Variants in PTPRT observed in about 807,000 individuals in gnomAD.
PTPRT encodes the protein protein tyrosine phosphatase receptor type T.
A neutral mutation model predicts 176.8 loss-of-function variants in PTPRT; 56 were observed. The observed-to-expected ratio is 0.32, with a 90% CI of 0.26 to 0.40. The LOEUF (loss-of-function observed/expected upper bound fraction) is 0.40, where lower values mean the gene tolerates loss of function less well. Among genes scored for constraint, PTPRT ranks in the 10% least tolerant of loss-of-function variants. The pLI, the probability that PTPRT is intolerant of heterozygous loss-of-function variation, is 1.00. For synonymous variants in PTPRT, 783 were observed against 739.0 expected (o/e 1.06, Z -0.96); for missense variants, 1,540 against 1,908.2 (o/e 0.81, Z 3.60).
At chr20:42,643,462 C>T (rs750132871) in intron 7 of PTPRT, among the ~76,000 whole-genome samples, 24 of 151,942 alleles carry the variant, frequency 1.6e-4, no homozygotes, top group Non-Finnish European at 3.2e-4. Context: ...GCTAGGACTA[C>T]AGGTACATGC....
At chr20:42,354,184 C>T (rs2058327093) in intron 9 of PTPRT, among the ~76,000 whole-genome samples, 1 of 152,184 alleles carries the variant, frequency 6.6e-6, no homozygotes, top group African/African-American at 2.4e-5. Flanking sequence ...AAAACGTTTT[C>T]CTCACACTCC....
intron 6 of PTPRT, among the ~76,000 whole-genome samples, chr20:42,724,304 T>A (rs2076345567): frequency 6.6e-6 from 1 of 152,208 alleles, no homozygotes; most frequent in Admixed American, 6.5e-5. Context: ...CTCCCCTAAT[T>A]CAGTCTCTGT....
At chr20:42,990,608 C>T (rs1983854440) in intron 1 of PTPRT, among the ~76,000 whole-genome samples, 2 of 152,106 alleles carry the variant, frequency 1.3e-5, no homozygotes, top group African/African-American at 4.8e-5. Flanking sequence ...GTGTGTTCAA[C>T]ACAATAGTGA....
chr20:43,024,789 C>T (rs1453830581), intron 1 of PTPRT, among the ~76,000 whole-genome samples: 1 of 152,194 alleles, frequency 6.6e-6, no homozygotes, highest in Non-Finnish European at 1.5e-5. Context: ...ATCCCCAATG[C>T]CATTTCTCAG....
chr20:42,283,443 G>A (rs2057174000), intron 12 of PTPRT, among the ~76,000 whole-genome samples: 1 of 152,144 alleles, frequency 6.6e-6, no homozygotes, highest in African/African-American at 2.4e-5. Context: ...GCATCTTGAA[G>A]GGATTGGTGG....
At chr20:42,577,514 A>G (rs1389136673) in intron 7 of PTPRT, among the ~76,000 whole-genome samples, 1 of 152,202 alleles carries the variant, frequency 6.6e-6, no homozygotes, top group Non-Finnish European at 1.5e-5. Context: ...GATGCAACAG[A>G]GTAAATAAGA....
chr20:42,700,087 A>C (rs900090460), intron 6 of PTPRT, among the ~76,000 whole-genome samples: 16 of 152,172 alleles, frequency 1.1e-4, no homozygotes, highest in African/African-American at 3.9e-4. Flanking sequence ...CCAGGAAAGC[A>C]CTTAAGTCAC....
chr20:42,170,011 G>C (rs957423378), intron 16 of PTPRT, among the ~76,000 whole-genome samples: 34 of 152,162 alleles, frequency 2.2e-4, no homozygotes, highest in Non-Finnish European at 1.5e-4. Context: ...CCATTAGAAG[G>C]CTTCTAGGAA....
intron 14 of PTPRT, among the ~76,000 whole-genome samples, chr20:42,237,347 G>C (rs529960069): frequency 4.6e-5 from 7 of 152,258 alleles, no homozygotes; most frequent in African/African-American, 1.7e-4. Flanking sequence ...AGTCTGAACA[G>C]ACTCTACCTT....
In PTPRT at chr20:42,866,232, G is replaced by C. The variant is rs145539053; in HGVS notation, c.214+19575C>G. 1.8e-3 allele frequency among the ~76,000 whole-genome samples: 280 copies of C among 152,300 alleles called. 2 individuals are homozygous for C. Among genetic ancestry groups the C allele is most frequent in the African/African-American group, 6.0e-3 (249 of 41,574 alleles). On this transcript the variant is annotated intron_variant, in intron 2 of 30. Transcript: ENST00000373187. ...CACTTGCTAAGAACCCAGTATTGTG[G>C]GCACAGAGGTAGGGTCTCTGCATGA...
chr20:42,814,240 T>G (rs1600777523), intron 2 of PTPRT, among the ~76,000 whole-genome samples: 1 of 152,306 alleles, frequency 6.6e-6, no homozygotes, highest in East Asian at 1.9e-4. Flanking sequence ...TGTTTTGGTG[T>G]TGTGGTGAAT....
chr20:43,137,707 T>C (rs901918790), intron 1 of PTPRT, among the ~76,000 whole-genome samples: 1 of 152,216 alleles, frequency 6.6e-6, no homozygotes, highest in Non-Finnish European at 1.5e-5. Context: ...TTGCAGAGAC[T>C]GCAGCCCTAT....
At chr20:42,063,176 G>A in the PTPRT span, among the ~76,000 whole-genome samples, 5 of 152,150 alleles carry the variant, frequency 3.3e-5, no homozygotes, top group Admixed American at 3.3e-4. Flanking sequence ...TATACCATGT[G>A]ATTGTCTTTG....
chr20:42,162,586 G>T (rs1239622510), intron 16 of PTPRT, among the ~76,000 whole-genome samples: 1 of 152,152 alleles, frequency 6.6e-6, no homozygotes, highest in Admixed American at 6.5e-5. Context: ...CCAAAGACAT[G>T]GACAGTCTAT....
At chr20:42,399,866 TTG>T (rs2058888632) in intron 9 of PTPRT, among the ~76,000 whole-genome samples, 1 of 152,244 alleles carries the variant, frequency 6.6e-6, no homozygotes, top group Non-Finnish European at 1.5e-5. Context: ...GAAGAATGTA[TTG>T]TGTCTTTCAA....
At chr20:43,107,054 T>C (rs1295596074) in intron 1 of PTPRT, among the ~76,000 whole-genome samples, 1 of 152,136 alleles carries the variant, frequency 6.6e-6, no homozygotes, top group African/African-American at 2.4e-5. Flanking sequence ...CCTCCCAAAG[T>C]GCTGGGATTA....
intron 7 of PTPRT, among the ~76,000 whole-genome samples, chr20:42,647,383 A>T (rs1468204583): frequency 6.6e-6 from 1 of 152,008 alleles, no homozygotes; most frequent in East Asian, 1.9e-4. Context: ...TGAATAAATA[A>T]AGTAAATAAA....
chr20:42,444,091 G>C (rs143335715), intron 9 of PTPRT, among the ~76,000 whole-genome samples: 267 of 152,136 alleles, frequency 1.8e-3, no homozygotes, highest in South Asian at 5.4e-3. Flanking sequence ...GCCATCCCTG[G>C]CCCTACCCAC....
At chr20:42,630,489 A>G (rs776819785) in intron 7 of PTPRT, among the ~76,000 whole-genome samples, 3 of 152,164 alleles carry the variant, frequency 2.0e-5, no homozygotes, top group Non-Finnish European at 4.4e-5. Context: ...TGGGAGGAAT[A>G]GTTGAAATGA....
Sources: allele counts gnomAD v4.1 joint callset (sites outside exome capture counted in the v4.1 genomes callset), GRCh38; gene constraint gnomAD v4.1.1; transcripts MANE v1.5; gene names NCBI Gene and HGNC (gene_info 2026-07-23, HGNC 2026-07-21).